Variants in ABCC1 observed in about 807,000 individuals in gnomAD.
ABCC1 encodes multidrug resistance-associated protein 1.
Under a neutral mutation model 172.9 loss-of-function variants are expected in ABCC1, and 83 were observed. That is an observed-to-expected ratio of 0.48 (90% CI 0.40 to 0.58). The LOEUF is 0.58. Ranked by LOEUF, ABCC1 falls within the 20% of genes least tolerant of loss-of-function variation. The pLI, the probability that ABCC1 is intolerant of heterozygous loss-of-function variation, is 0.00. For missense variants in ABCC1, 1,817 were observed against 2,002.7 expected (o/e 0.91, Z 1.77); for synonymous variants, 937 against 825.2 (o/e 1.14, Z -2.32).
intron 26 of ABCC1, among the ~76,000 whole-genome samples, chr16:16,127,581 G>T (rs1243467758): frequency 6.6e-6 from 1 of 152,198 alleles, no homozygotes; most frequent in African/African-American, 2.4e-5. Context: ...ACTTGCCCAA[G>T]ATCACATGGC....
chr16:15,977,011 C>T (rs1473444898), intron 1 of ABCC1, among the ~76,000 whole-genome samples: 1 of 152,082 alleles, frequency 6.6e-6, no homozygotes, highest in Non-Finnish European at 1.5e-5. Flanking sequence ...GTTGTGATGC[C>T]GGCTGGCCAG....
intron 1 of ABCC1, among the ~76,000 whole-genome samples, chr16:15,986,699 A>G (rs2046752534): frequency 6.6e-6 from 1 of 152,140 alleles, no homozygotes; most frequent in South Asian, 2.1e-4. Context: ...AAAGTCCTTA[A>G]TGATACCTGC....
Position 16,111,392 on chromosome 16 carries a change from C to T in ABCC1, c.2889C>T (p.Tyr963=), listed in dbSNP as rs1309630752. 6.2e-7 allele frequency: 1 copy of T among 1,614,054 alleles called. No homozygotes were observed. Among genetic ancestry groups the T allele is most frequent in the Non-Finnish European group, 8.5e-7 (1 of 1,179,960 alleles). Residue 963 remains tyrosine, a synonymous_variant, in exon 22 of 31, where the codon TAC becomes TAT. Coordinates refer to ENST00000399410, the MANE Select transcript of ABCC1 (RefSeq NM_004996.4). ...AQTGQVKLSV[Y]WDYMKAIGLF... The stretch of plus-strand genomic sequence containing the variant: ...ATCTCCAGGTCAAGCTTTCCGTGTA[C>T]TGGGACTACATGAAGGCCATCGGAC...
At chr16:16,075,579 C>T (rs550969820) in intron 14 of ABCC1, among the ~76,000 whole-genome samples, 40 of 152,230 alleles carry the variant, frequency 2.6e-4, no homozygotes, top group African/African-American at 7.0e-4. Context: ...TGCAGTAGGC[C>T]GAGATCGCAC....
intron 1 of ABCC1, among the ~76,000 whole-genome samples, chr16:15,993,293 C>G (rs545698903): frequency 1.3e-5 from 2 of 152,306 alleles, no homozygotes; most frequent in African/African-American, 4.8e-5. Flanking sequence ...CGTCTCTTGG[C>G]TGCCGGGAAC....
chr16:16,100,925 T>C (rs760193300), intron 19 of ABCC1, among the ~76,000 whole-genome samples: 9 of 152,220 alleles, frequency 5.9e-5, no homozygotes, highest in Non-Finnish European at 1.2e-4. Flanking sequence ...TAATCGAGAC[T>C]CATAGCAGGG....
At chr16:16,027,948 A>C (rs1287019494) in intron 5 of ABCC1, among the ~76,000 whole-genome samples, 2 of 152,076 alleles carry the variant, frequency 1.3e-5, no homozygotes, top group Non-Finnish European at 2.9e-5. Flanking sequence ...TACTATTCTA[A>C]GTACTTACCA....
At chr16:15,994,870 TCTC>T (rs1316905453) in intron 1 of ABCC1, among the ~76,000 whole-genome samples, 2 of 151,418 alleles carry the variant, frequency 1.3e-5, no homozygotes, top group African/African-American at 4.8e-5. Context: ...TTCAAGCAAT[TCTC>T]CTGCCTCAGC....
intron 7 of ABCC1, among the ~76,000 whole-genome samples, chr16:16,042,422 G>T (rs555002285): frequency 6.6e-6 from 1 of 152,214 alleles, no homozygotes; most frequent in East Asian, 1.9e-4. Flanking sequence ...CGAACTATTG[G>T]CCGGGCACAG....
At chr16:16,059,814 C>T (rs1481167073) in intron 12 of ABCC1, among the ~76,000 whole-genome samples, 10 of 150,954 alleles carry the variant, frequency 6.6e-5, no homozygotes, top group Non-Finnish European at 1.0e-4. Context: ...GCTGCTGCCC[C>T]CCCACCCCCT....
In ABCC1 at chr16:16,138,334, C is replaced by T. The variant is rs1433656363; in HGVS notation, c.4293-30C>T. 9 of 1,553,902 alleles carry T rather than the reference C, an allele frequency of 5.8e-6. No homozygotes were observed. The Admixed American group carries it at 1.4e-4, about 24-fold the overall frequency. On this transcript the variant is annotated intron_variant, in intron 29 of 30. Coordinates refer to ENST00000399410, the MANE Select transcript of ABCC1 (RefSeq NM_004996.4). ...GGGTCAGGGGTGGTTTGACCCAACACTATCTCCTGGTTTTTTTCTTCCGGT... is the reference window on the plus strand; with the variant it reads ...GGGTCAGGGGTGGTTTGACCCAACATTATCTCCTGGTTTTTTTCTTCCGGT...
chr16:16,091,537 G>A (rs1402166533), intron 19 of ABCC1, among the ~76,000 whole-genome samples: 1 of 152,210 alleles, frequency 6.6e-6, no homozygotes, highest in Non-Finnish European at 1.5e-5. Context: ...CCCTCTCTGG[G>A]GAGGTTGCAT....
chr16:16,016,559 C>T lies in ABCC1; in HGVS notation c.553C>T (p.Gln185Ter). The T allele has an allele frequency of 6.2e-7, 1 of 1,614,130 alleles. No homozygotes were observed. The highest frequency in any genetic ancestry group is 8.5e-7 in the Non-Finnish European group (1 of 1,180,004). The change falls in exon 5 of 31, where the codon CAG becomes TAG. Residue 185 changes from glutamine (Q) to a stop codon, truncating the protein, a stop_gained. Transcript: ENST00000399410. LOFTEE classifies it high-confidence loss of function. ...CGTCTACTTTTCCCTCTTACTCATT[C>T]AGCTCGTCTTGTCCTGTTTCTCAGA... ...FYVYFSLLLI[Q>*]LVLSCFSDRS...
chr16:16,138,550 C>T lies in ABCC1; in HGVS notation c.4479C>T (p.Asp1493=), dbSNP rs772161548. ...CCCACCGGCTCAACACCATCATGGACTACACAAGGTGATGCCACTGGCACA... is the reference window on the plus strand; with the variant it reads ...CCCACCGGCTCAACACCATCATGGATTACACAAGGTGATGCCACTGGCACA... The part of the protein sequence containing the change: ...TIAHRLNTIM[D]YTRVIVLDKG... Residue 1493 remains aspartate (D), a synonymous_variant, in exon 30 of 31, where the codon GAC becomes GAT. Coordinates refer to ENST00000399410, the MANE Select transcript of ABCC1 (RefSeq NM_004996.4). 5.7e-6 allele frequency: 9 copies of T among 1,589,530 alleles called. No individual in the cohort carries two copies. The South Asian group carries it at 1.0e-4, about 18-fold the overall frequency.
chr16:15,978,343 G>C (rs2046538620), intron 1 of ABCC1, among the ~76,000 whole-genome samples: 1 of 152,052 alleles, frequency 6.6e-6, no homozygotes, highest in Admixed American at 6.6e-5. Context: ...TTTCCAGCCT[G>C]GGCAACAGAG....
At chr16:16,103,473 G>A (rs920978063) in intron 20 of ABCC1, among the ~76,000 whole-genome samples, 4 of 151,414 alleles carry the variant, frequency 2.6e-5, no homozygotes, top group African/African-American at 9.7e-5. Flanking sequence ...CCAGCTACTC[G>A]GGAGGCTGAG....
At chr16:16,101,810 A>T (rs1450788509) in intron 19 of ABCC1, among the ~76,000 whole-genome samples, 1 of 152,150 alleles carries the variant, frequency 6.6e-6, no homozygotes. Flanking sequence ...TGTCATTGTC[A>T]TTGTTGATGT....
intron 19 of ABCC1, among the ~76,000 whole-genome samples, chr16:16,100,543 G>T (rs1051735115): frequency 1.3e-5 from 2 of 152,360 alleles, no homozygotes; most frequent in Non-Finnish European, 1.5e-5. Context: ...CTTCCTGGGT[G>T]ATGTGGCTAT....
intron 12 of ABCC1, among the ~76,000 whole-genome samples, chr16:16,060,782 A>G (rs1408559785): frequency 1.3e-5 from 2 of 151,780 alleles, no homozygotes; most frequent in Non-Finnish European, 2.9e-5. Context: ...TTGATCTCCC[A>G]ACGTGCTGGG....
Sources: allele counts gnomAD v4.1 joint callset (sites outside exome capture counted in the v4.1 genomes callset), GRCh38; gene constraint gnomAD v4.1.1; transcripts MANE v1.5; gene names NCBI Gene and HGNC (gene_info 2026-07-23, HGNC 2026-07-21).